The following DGKZ variants were observed in gnomAD, a reference collection of about 807,000 sequenced individuals.
DGKZ encodes DAG kinase zeta.
DGKZ carries 45 observed loss-of-function variants against 142.5 expected under a neutral mutation model. The observed-to-expected ratio is 0.32, with a 90% CI of 0.25 to 0.40. DGKZ has a LOEUF of 0.40. Ranked by LOEUF, DGKZ falls within the 10% of genes least tolerant of loss-of-function variation. The pLI is 1.00. For missense variants in DGKZ, 755 were observed against 1,306.5 expected (o/e 0.58, Z 6.51); for synonymous variants, 442 against 527.0 (o/e 0.84, Z 2.21).
intron 1 of DGKZ, chr11:46,364,794 C>T (rs1248561748): frequency 1.2e-5 from 12 of 985,356 alleles, no homozygotes; most frequent in Non-Finnish European, 1.4e-5. Context: ...CAGGGCATCA[C>T]CCACCATGCC....
At chr11:46,369,521 C>T (rs1943707360) in exon 5 of DGKZ, 2 of 1,613,538 alleles carry the variant, frequency 1.2e-6, no homozygotes, top group Non-Finnish European at 1.7e-6. Flanking sequence ...GCCGTCCTTC[C>T]GTGAATCAGG....
intron 1 of DGKZ, among the ~76,000 whole-genome samples, chr11:46,349,161 C>A (rs1045341748): frequency 2.6e-5 from 4 of 152,254 alleles, no homozygotes; most frequent in African/African-American, 9.6e-5. Flanking sequence ...TGAATTCTTA[C>A]ACTGGCAGAT....
In DGKZ at chr11:46,352,182, G is replaced by T. The variant is rs925750098; in HGVS notation, c.161+4362G>T. 3.3e-5 allele frequency among the ~76,000 whole-genome samples: 5 copies of T among 152,316 alleles called. No homozygotes were observed. In the South Asian group the frequency reaches 1.0e-3, roughly 32 times the overall value. On this transcript the variant is annotated intron_variant, in intron 1 of 30. Transcript: ENST00000527911. ...ATAGGTTAGCCCTGAGTCTTAGGCC[G>T]CGCGGGCCCCTCGGAGAAGCAGGGA...
intron 14 of DGKZ, among the ~76,000 whole-genome samples, chr11:46,373,852 C>A (rs1288187602): frequency 6.6e-6 from 1 of 152,218 alleles, no homozygotes; most frequent in Non-Finnish European, 1.5e-5. Flanking sequence ...ACCTGCCAGG[C>A]ACTTCTCTAA....
At chr11:46,343,798 C>A (rs970309855), upstream of DGKZ, among the ~76,000 whole-genome samples, 1 of 152,292 alleles carries the variant, frequency 6.6e-6, no homozygotes, top group Non-Finnish European at 1.5e-5. Context: ...GAATGCTATT[C>A]TCCCAGGTAA....
At chr11:46,351,710 A>G (rs1432497456) in intron 1 of DGKZ, among the ~76,000 whole-genome samples, 4 of 152,144 alleles carry the variant, frequency 2.6e-5, no homozygotes, top group Non-Finnish European at 5.9e-5. Flanking sequence ...GGGTTCCAGC[A>G]AGTTTGGGAA....
chr11:46,362,896 TCTGTCCTTTCCCAGGCC>T (rs1157205970), intron 1 of DGKZ, among the ~76,000 whole-genome samples: 1 of 152,210 alleles, frequency 6.6e-6, no homozygotes, highest in African/African-American at 2.4e-5. Flanking sequence ...CCTGACTTCC[TCTGTCCTTTCCCAGGCC>T]CTGTCCTTGT....
At chr11:46,355,907 C>T (rs539556069) in intron 1 of DGKZ, among the ~76,000 whole-genome samples, 3 of 152,074 alleles carry the variant, frequency 2.0e-5, no homozygotes, top group African/African-American at 4.8e-5. Flanking sequence ...CCACCACACC[C>T]GGCTAATTTT....
At chr11:46,349,095 C>T (rs572704086) in intron 1 of DGKZ, among the ~76,000 whole-genome samples, 18 of 152,304 alleles carry the variant, frequency 1.2e-4, no homozygotes, top group South Asian at 8.3e-4. Flanking sequence ...CCGTCTCACC[C>T]GGGCTAGGGC....
intron 1 of DGKZ, among the ~76,000 whole-genome samples, chr11:46,355,256 C>G (rs942238081): frequency 9.9e-5 from 15 of 151,692 alleles, no homozygotes; most frequent in Admixed American, 9.8e-4. Context: ...CTACAGGCGC[C>G]CGCCACCACG....
At chr11:46,358,780 C>T (rs940296547) in intron 1 of DGKZ, among the ~76,000 whole-genome samples, 2 of 152,212 alleles carry the variant, frequency 1.3e-5, no homozygotes, top group Non-Finnish European at 2.9e-5. Context: ...TAGAGCCTGA[C>T]GGCTTCCTCA....
chr11:46,368,185 C>T, intron 4 of DGKZ, 106 bp downstream of exon 4: 1 of 1,212,298 alleles, frequency 8.2e-7, no homozygotes, highest in Non-Finnish European at 1.2e-6. Context: ...CAGGAGTGAC[C>T]CAGCACTCGG....
chr11:46,366,513 T>A, intron 1 of DGKZ: 1 of 1,590,760 alleles, frequency 6.3e-7, no homozygotes, highest in Non-Finnish European at 8.6e-7. Context: ...AACCCCCGCT[T>A]CATCGTGGAT....
upstream of DGKZ, chr11:46,345,348 C>G (rs1027804917): frequency 4.3e-6 from 6 of 1,383,292 alleles, no homozygotes; most frequent in South Asian, 5.0e-5. This position sits in a 1 kb window ranked among gnomAD's most constrained non-coding sequence, Gnocchi z 4.1. Flanking sequence ...CTCTAGCAGG[C>G]CCCCCCCTCG....
At chr11:46,336,160 G>T (rs940972917) in intron 1 of DGKZ, among the ~76,000 whole-genome samples, 2 of 152,234 alleles carry the variant, frequency 1.3e-5, no homozygotes, top group Admixed American at 6.5e-5. Flanking sequence ...GAGGACGGGG[G>T]CTTTGGCAGG....
chr11:46,368,449 C>T (rs548276640), intron 4 of DGKZ: 5 of 360,310 alleles, frequency 1.4e-5, no homozygotes, highest in African/African-American at 6.4e-5. Context: ...TCTGTGGAGA[C>T]CTTTCCCCAA....
chr11:46,339,913 G>A (rs1027962746), intron 1 of DGKZ, among the ~76,000 whole-genome samples: 8 of 152,242 alleles, frequency 5.3e-5, no homozygotes, highest in African/African-American at 1.9e-4. Flanking sequence ...AGAGGGTGGG[G>A]AAGGAACTGG....
chr11:46,333,169 C>A, exon 1 of DGKZ: 1 of 1,017,158 alleles, frequency 9.8e-7, no homozygotes, highest in Non-Finnish European at 1.3e-6. Context: ...GAACCCGGCG[C>A]TCCCCTCCCT....
chr11:46,353,825 C>T (rs1412363544), intron 1 of DGKZ, among the ~76,000 whole-genome samples: 1 of 152,234 alleles, frequency 6.6e-6, no homozygotes, highest in Non-Finnish European at 1.5e-5. Flanking sequence ...AGAGGCCTCT[C>T]CCCTGCCAGG....
Sources: allele counts gnomAD v4.1 joint callset (sites outside exome capture counted in the v4.1 genomes callset), GRCh38; gene constraint gnomAD v4.1.1; non-coding constraint Gnocchi (gnomAD v3.1); transcripts MANE v1.5; gene names NCBI Gene and HGNC (gene_info 2026-07-23, HGNC 2026-07-21).